Variants in ME2 observed in about 807,000 individuals in gnomAD.
ME2 encodes the protein malic enzyme 2.
In ME2, 60 loss-of-function variants were observed where a neutral mutation model predicts 73.7. The ratio of observed to expected loss-of-function variants is 0.81; its 90% confidence interval spans 0.66 to 1.01. ME2 has a LOEUF of 1.01. Among genes scored for constraint, ME2 ranks in the 50% least tolerant of loss-of-function variants. The probability of loss-of-function intolerance (pLI) is 0.00; values close to 1 mark genes in which losing one functional copy is unlikely to be tolerated. For synonymous variants in ME2, 199 were observed against 236.9 expected, an observed-to-expected ratio of 0.84 and a Z score of 1.47; for missense variants, 594 against 705.5, an observed-to-expected ratio of 0.84 and a Z score of 1.79.
intron 1 of ME2, among the ~76,000 whole-genome samples, chr18:50,893,615 T>A (rs1916662554): frequency 6.6e-6 from 1 of 152,260 alleles, no homozygotes; most frequent in Admixed American, 6.5e-5. Flanking sequence ...TACTGTCTTT[T>A]GAACAGCTCA....
At chr18:50,890,667 G>A (rs1307198763) in intron 1 of ME2, among the ~76,000 whole-genome samples, 1 of 151,860 alleles carries the variant, frequency 6.6e-6, no homozygotes, top group Non-Finnish European at 1.5e-5. Flanking sequence ...CACATCTTTT[G>A]TCTTTCTTAT....
chr18:50,944,373 C>T (rs1044963491), intron 15 of ME2, among the ~76,000 whole-genome samples: 4 of 152,168 alleles, frequency 2.6e-5, no homozygotes, highest in Admixed American at 2.6e-4. Flanking sequence ...TGTGCTGTGT[C>T]TGCAGTGGCA....
At chr18:50,899,574 T>C (rs1916837397) in intron 2 of ME2, among the ~76,000 whole-genome samples, 2 of 152,190 alleles carry the variant, frequency 1.3e-5, no homozygotes, top group East Asian at 1.9e-4. Context: ...ATCGTGCCAC[T>C]GCACTGCAGC....
At chr18:50,888,884 TA>T (rs74176791) in intron 1 of ME2, among the ~76,000 whole-genome samples, 45 of 152,322 alleles carry the variant, frequency 3.0e-4, no homozygotes, top group African/African-American at 1.0e-3. Flanking sequence ...AAATTTTTTT[TA>T]AACTGATGCA....
At chr18:50,915,359 G>A (rs1599106420) in intron 4 of ME2, 2 of 152,116 alleles carry the variant, frequency 1.3e-5, no homozygotes, top group African/African-American at 4.8e-5. Flanking sequence ...GCCAGGCATG[G>A]TGGCGGGCAT....
At chr18:50,938,359 A>T (rs1369370028) in intron 13 of ME2, among the ~76,000 whole-genome samples, 2 of 152,080 alleles carry the variant, frequency 1.3e-5, no homozygotes, top group Non-Finnish European at 2.9e-5. Context: ...TCCTACATGC[A>T]TCCAGAGATT....
At chr18:50,936,679 A>G (rs1030275270) in intron 13 of ME2, among the ~76,000 whole-genome samples, 6 of 152,196 alleles carry the variant, frequency 3.9e-5, no homozygotes, top group Admixed American at 3.3e-4. Flanking sequence ...TAATCCCAGC[A>G]CTTTGGGATG....
At chr18:50,925,924 T>A in intron 12 of ME2, 26 bp downstream of exon 12, 2 of 1,527,206 alleles carry the variant, frequency 1.3e-6, no homozygotes, top group Non-Finnish European at 1.8e-6. Context: ...TGAATTGATA[T>A]GTATATTATT....
At chr18:50,882,168 T>C (rs1916340375) in intron 1 of ME2, among the ~76,000 whole-genome samples, 1 of 152,122 alleles carries the variant, frequency 6.6e-6, no homozygotes, top group Non-Finnish European at 1.5e-5. Context: ...CCAGCTAGTT[T>C]TTAAATTTTT....
intron 2 of ME2, among the ~76,000 whole-genome samples, chr18:50,902,800 A>G (rs962704015): frequency 6.6e-6 from 1 of 152,238 alleles, no homozygotes; most frequent in Non-Finnish European, 1.5e-5. Context: ...GGAAAAGTAT[A>G]CTATAAATAT....
intron 10 of ME2, among the ~76,000 whole-genome samples, 164 bp downstream of exon 10, chr18:50,921,351 T>C (rs373587981): frequency 3.9e-5 from 6 of 152,338 alleles, no homozygotes; most frequent in Middle Eastern, 3.4e-3. Context: ...TTGTTGTCTT[T>C]TACAAAGACT....
Position 50,947,814 on chromosome 18 carries a change from A to G in ME2, c.*630A>G, listed in dbSNP as rs1918122857. The G allele has an allele frequency of 1.3e-5, 2 of 152,218 alleles. No homozygotes were observed. Among genetic ancestry groups the G allele is most frequent in the Admixed American group, 1.3e-4 (2 of 15,280 alleles). The allele number at this position is 152,218 out of a possible 1,614,324, so 9.4% of individuals were successfully genotyped here. ...ATGGGAACTACTGCTGGCTTTAAGT[A>G]AATAAAAGTCATTGTTTTCAACAGT... is the stretch of plus-strand genomic sequence containing the variant. On this transcript the variant is annotated 3_prime_UTR_variant, in exon 16 of 16. Coordinates refer to ENST00000321341, the MANE Select transcript of ME2 (RefSeq NM_002396.5).
In ME2 at chr18:50,949,554, ACT is replaced by A. The variant is rs1477465390; in HGVS notation, c.*2375_*2376del. Reference sequence around the variant, plus strand: ...TCAAAACAAAATCACGCCTAAACATACTCTCTGTGTGAAATCTTGATTTTAGT... The same window carrying A: ...TCAAAACAAAATCACGCCTAAACATACTCTGTGTGAAATCTTGATTTTAGT... On this transcript the variant is annotated 3_prime_UTR_variant, in exon 16 of 16. Coordinates refer to ENST00000321341, the MANE Select transcript of ME2 (RefSeq NM_002396.5). 3.3e-5 allele frequency: 5 copies of A among 152,104 alleles called. No individual in the cohort carries two copies. The highest frequency in any genetic ancestry group is 1.3e-4 in the Admixed American group (2 of 15,254). 9.4% of individuals were successfully genotyped at this position (152,104 alleles called of 1,614,324 possible). A position where few individuals can be genotyped will look rare whatever the true frequency, so the allele number is the denominator to read the frequency against.
Position 50,940,288 on chromosome 18 carries a change from G to A in ME2, c.1489G>A (p.Ala497Thr). ...SDSVFLEAAK[A>T]LTSQLTDEEL... ...AGCAAAATGCTGTTTTTCTCTTCAG[G>A]CCCTGACAAGCCAATTGACAGATGA... Residue 497 changes from alanine (A) to threonine (T), a missense_variant and splice_region_variant, in exon 15 of 16, where the codon GCC becomes ACC. Ala to Thr is a moderately conservative substitution (Grantham distance 58). Coordinates refer to ENST00000321341, the MANE Select transcript of ME2 (RefSeq NM_002396.5). 1 of 1,602,078 alleles carries A rather than the reference G, an allele frequency of 6.2e-7. No homozygotes were observed. Among genetic ancestry groups the A allele is most frequent in the South Asian group, 1.1e-5 (1 of 88,148 alleles).
At chr18:50,906,574 A>G (rs1466788809) in intron 2 of ME2, among the ~76,000 whole-genome samples, 1 of 152,134 alleles carries the variant, frequency 6.6e-6, no homozygotes, top group East Asian at 1.9e-4. Flanking sequence ...TGGCCTCCCA[A>G]AGTGCTGGGA....
At chr18:50,882,216 C>G (rs1916341596) in intron 1 of ME2, among the ~76,000 whole-genome samples, 1 of 152,088 alleles carries the variant, frequency 6.6e-6, no homozygotes, top group African/African-American at 2.4e-5. Context: ...CCGGGCTGAC[C>G]TGGAACTCTT....
chr18:50,935,281 A>T (rs1049069754), intron 13 of ME2: 3 of 152,224 alleles, frequency 2.0e-5, no homozygotes, highest in African/African-American at 7.2e-5. Flanking sequence ...ACATAACAAC[A>T]GAAGCCAAAA....
In ME2 at chr18:50,918,125, C is replaced by G. The variant is rs879582816; in HGVS notation, c.646C>G (p.Pro216Ala). 55 of 1,592,080 alleles carry G rather than the reference C, an allele frequency of 3.5e-5. No individual in the cohort carries two copies. Among genetic ancestry groups the G allele is most frequent in the Non-Finnish European group, 4.5e-5 (53 of 1,167,218 alleles). The change falls in exon 7 of 16, where the codon CCA becomes GCA. Residue 216 changes from proline to alanine, a missense_variant. Coordinates refer to ENST00000321341, the MANE Select transcript of ME2 (RefSeq NM_002396.5). ...TATTTTGTAGGCACTCTTAAAAGAC[C>G]CATTTTACATGGGCTTGTACCAGAA... The part of the protein sequence containing the change: ...GTDNIALLKD[P>A]FYMGLYQKRD...
rs1157827643 is a variant in ME2 at position 50,950,961 on chromosome 18, A to G, written c.*3777A>G. 6.6e-6 allele frequency: 1 copy of G among 152,248 alleles called. No homozygotes were observed. The highest frequency in any genetic ancestry group is 2.4e-5 in the African/African-American group (1 of 41,470). The allele number at this position is 152,248 out of a possible 1,614,324, so 9.4% of individuals were successfully genotyped here. A position where few individuals can be genotyped will look rare whatever the true frequency, so the allele number is the denominator to read the frequency against. On this transcript the variant is annotated 3_prime_UTR_variant, in exon 16 of 16. Transcript: ENST00000321341. The stretch of plus-strand genomic sequence containing the variant: ...AGATCAACTGAAATTATGTTCTTAC[A>G]CAGAATAGTTTTCATCTAGTTTTAT...
Sources: allele counts gnomAD v4.1 joint callset (sites outside exome capture counted in the v4.1 genomes callset), GRCh38; gene constraint gnomAD v4.1.1; transcripts MANE v1.5; gene names NCBI Gene and HGNC (gene_info 2026-07-23, HGNC 2026-07-21).